TRPC5: variants seen among roughly 807,000 people sequenced by gnomAD.
The protein encoded by TRPC5 is short transient receptor potential channel 5.
Under a neutral mutation model 56.5 loss-of-function variants are expected in TRPC5, and 9 were observed. The observed-to-expected ratio is 0.16, with a 90% CI of 0.10 to 0.28. TRPC5 has a LOEUF of 0.28. Ranked by LOEUF, TRPC5 falls within the 10% of genes least tolerant of loss-of-function variation. TRPC5 has a pLI of 1.00. For synonymous variants in TRPC5, 282 were observed against 278.5 expected (o/e 1.01, Z -0.13); for missense variants, 469 against 748.9 (o/e 0.63, Z 4.36).
intron 2 of TRPC5, among the ~76,000 whole-genome samples, chrX:111,935,259 A>G (rs1217745548): frequency 8.9e-6 from 1 of 111,982 alleles, no homozygotes; most frequent in African/African-American, 3.2e-5. Context: ...TGCCATTTGT[A>G]TGTGTTCTTT....
At chrX:111,879,288 G>A (rs1924094461) in intron 3 of TRPC5, among the ~76,000 whole-genome samples, 1 of 112,108 alleles carries the variant, frequency 8.9e-6, no homozygotes, top group African/African-American at 3.2e-5. Flanking sequence ...AGGAGACGTT[G>A]ACTCTCGTTC....
In TRPC5 at chrX:111,776,836, T is replaced by C; in HGVS notation, c.2399A>G (p.Asn800Ser). ...GCAAGTCTTTTTCTTGCAGCCTAAA[T>C]TAAAAGAGACACTCTTGGATTTGGC... ...ARAKSKSVSF[N>S]LGCKKKTCHG... Residue 800 changes from asparagine (N) to serine (S), a missense_variant, in exon 11 of 11, where the codon AAT becomes AGT. By Grantham distance (46) the Asn-to-Ser change is conservative. This residue lies in a region of TRPC5 where 194 missense variants were observed against 221.8 expected (regional missense o/e 0.87). Coordinates refer to ENST00000262839, the MANE Select transcript of TRPC5 (RefSeq NM_012471.3). The C allele has an allele frequency of 8.3e-7, 1 of 1,211,270 alleles. No homozygotes were observed.
At chrX:111,967,837 G>T (rs1445344703) in intron 1 of TRPC5, among the ~76,000 whole-genome samples, 1 of 111,977 alleles carries the variant, frequency 8.9e-6, no homozygotes, top group African/African-American at 3.3e-5. Flanking sequence ...ATGTATTAAA[G>T]ACTTAAATGT....
chrX:111,988,853 G>C (rs992902659), intron 1 of TRPC5, among the ~76,000 whole-genome samples: 1 of 110,979 alleles, frequency 9.0e-6, no homozygotes, highest in Non-Finnish European at 1.9e-5. Context: ...CACAGATTCC[G>C]GCATAGAGCA....
chrX:111,972,711 T>C (rs1452650064), intron 1 of TRPC5, among the ~76,000 whole-genome samples: 1 of 112,286 alleles, frequency 8.9e-6, no homozygotes, highest in African/African-American at 3.2e-5. Flanking sequence ...GGCTGCCAAA[T>C]ATCACCCATT....
chrX:111,880,027 T>A (rs1924134497), intron 3 of TRPC5, among the ~76,000 whole-genome samples: 1 of 111,748 alleles, frequency 8.9e-6, no homozygotes, highest in Non-Finnish European at 1.9e-5. Flanking sequence ...GTGGTGGTGA[T>A]GTTAGGAAAA....
chrX:112,052,098 T>C (rs1287019702), intron 1 of TRPC5, among the ~76,000 whole-genome samples: 2 of 111,967 alleles, frequency 1.8e-5, no homozygotes, highest in African/African-American at 6.5e-5. Flanking sequence ...TGAACAAATA[T>C]CTCTTTGAGA....
intron 1 of TRPC5, among the ~76,000 whole-genome samples, chrX:112,058,809 T>G (rs761592733): frequency 2.7e-5 from 3 of 111,940 alleles, no homozygotes; most frequent in Non-Finnish European, 5.6e-5. Flanking sequence ...TTTTGAGTAC[T>G]CATTACATAA....
chrX:111,906,003 A>C (rs1284936787), intron 3 of TRPC5, among the ~76,000 whole-genome samples: 1 of 110,698 alleles, frequency 9.0e-6, no homozygotes, highest in Non-Finnish European at 1.9e-5. Context: ...TATAAGGTGG[A>C]CAAGGGGGCC....
intron 2 of TRPC5, among the ~76,000 whole-genome samples, chrX:111,940,264 G>A (rs1453713364): frequency 2.7e-5 from 3 of 111,635 alleles, no homozygotes; most frequent in Non-Finnish European, 5.6e-5. Flanking sequence ...ATTGTGGTTC[G>A]AGAAGATGCG....
intron 4 of TRPC5, among the ~76,000 whole-genome samples, 192 bp from the exon 5 acceptor site, chrX:111,852,629 A>G (rs1413120214): frequency 9.0e-6 from 1 of 111,669 alleles, no homozygotes; most frequent in Non-Finnish European, 1.9e-5. Flanking sequence ...CAAACCTGGT[A>G]GGCTTTTCCT....
intron 6 of TRPC5, among the ~76,000 whole-genome samples, chrX:111,838,406 G>A (rs967050845): frequency 9.0e-6 from 1 of 110,692 alleles, no homozygotes; most frequent in African/African-American, 3.3e-5. Flanking sequence ...TGGAGGTTCT[G>A]TGGCTTCTAG....
At chrX:111,877,649 A>G (rs1439361852) in intron 3 of TRPC5, among the ~76,000 whole-genome samples, 1 of 111,282 alleles carries the variant, frequency 9.0e-6, no homozygotes, top group Non-Finnish European at 1.9e-5. Context: ...AGGAGTTGGT[A>G]TAATAATTAA....
chrX:112,027,312 T>C (rs1002800087), intron 1 of TRPC5, among the ~76,000 whole-genome samples: 1 of 111,744 alleles, frequency 8.9e-6, no homozygotes, highest in Admixed American at 9.5e-5. Flanking sequence ...GTGTGCATGA[T>C]TGGGAAGTTC....
At chrX:111,811,615 CAG>C (rs1921710845) in intron 7 of TRPC5, among the ~76,000 whole-genome samples, 1 of 111,445 alleles carries the variant, frequency 9.0e-6, no homozygotes, top group Admixed American at 9.5e-5. Flanking sequence ...TCAAACAACA[CAG>C]AACGGTTTGG....
intron 2 of TRPC5, among the ~76,000 whole-genome samples, chrX:111,936,384 T>G (rs1926576699): frequency 9.1e-6 from 1 of 109,769 alleles, no homozygotes; most frequent in African/African-American, 3.3e-5. Context: ...AGGGTACATG[T>G]GCACAATGTG....
At chrX:111,848,459 G>A (rs745917989) in intron 5 of TRPC5, among the ~76,000 whole-genome samples, 9 of 112,299 alleles carry the variant, frequency 8.0e-5, no homozygotes, top group Non-Finnish European at 3.8e-5. Context: ...GAAATACAAG[G>A]AATTACTTAT....
chrX:112,031,689 G>GTA (rs1477200048), intron 1 of TRPC5, among the ~76,000 whole-genome samples: 1 of 108,945 alleles, frequency 9.2e-6, no homozygotes, highest in African/African-American at 3.3e-5. Flanking sequence ...ATACATAGAT[G>GTA]TATATATATC....
At chrX:111,883,182 G>A (rs1389050763) in intron 3 of TRPC5, among the ~76,000 whole-genome samples, 2 of 112,077 alleles carry the variant, frequency 1.8e-5, no homozygotes, top group African/African-American at 6.5e-5. Context: ...TACCTCATTA[G>A]GATATTGTTA....
Sources: allele counts gnomAD v4.1 joint callset (sites outside exome capture counted in the v4.1 genomes callset), GRCh38; gene constraint gnomAD v4.1.1; regional missense constraint gnomAD v4.1.1; transcripts MANE v1.5; gene names NCBI Gene and HGNC (gene_info 2026-07-23, HGNC 2026-07-21).